SOX5: variants seen among roughly 807,000 people sequenced by gnomAD.
SOX5 encodes transcription factor SOX-5.
Under a neutral mutation model 92.0 loss-of-function variants are expected in SOX5, and 9 were observed. The observed-to-expected ratio is 0.10, with a 90% confidence interval of 0.06 to 0.17. SOX5 has a LOEUF of 0.17. Ranked by LOEUF, SOX5 falls within the 10% of genes least tolerant of loss-of-function variation. SOX5 has a pLI of 1.00. For missense variants in SOX5, 642 were observed against 944.5 expected (o/e 0.68, Z 4.20); for synonymous variants, 344 against 336.3 (o/e 1.02, Z -0.25).
At chr12:23,755,522 ACAGAGAATGCAAGAAG>A in intron 4 of SOX5, 100 bp downstream of exon 4, 1 of 711,522 alleles carries the variant, frequency 1.4e-6, no homozygotes, top group Non-Finnish European at 2.4e-6. Context: ...AACCCTAAAC[ACAGAGAATGCAAGAAG>A]CAGAAGAGGT....
At chr12:24,180,723 A>C (rs564878529) in intron 4 of SOX5, among the ~76,000 whole-genome samples, 40 of 152,332 alleles carry the variant, frequency 2.6e-4, no homozygotes, top group African/African-American at 9.4e-4. Flanking sequence ...TAAATCATAA[A>C]CATCTATTTC....
intron 4 of SOX5, among the ~76,000 whole-genome samples, chr12:24,100,927 A>G (rs1470733392): frequency 6.6e-6 from 1 of 152,082 alleles, no homozygotes; most frequent in African/African-American, 2.4e-5. Context: ...TACCCTCATA[A>G]TAAGCATTAA....
At chr12:24,060,294 A>C (rs1298304744) in intron 4 of SOX5, among the ~76,000 whole-genome samples, 1 of 152,176 alleles carries the variant, frequency 6.6e-6, no homozygotes, top group Admixed American at 6.5e-5. Flanking sequence ...AAAAGATTAC[A>C]TACTTCCCCA....
At position 24,432,471 on chromosome 12, in the gene SOX5, T is replaced by A. The variant is rs114086884; in HGVS notation, c.-250-63832A>T. On this transcript the variant is annotated intron_variant, in intron 1 of 4. Transcript: ENST00000446891. Reference sequence around the variant, plus strand: ...ATCCTGAATAATAGGATACTATCCCTAGTAGCAGTTCTCTGAGGTAGTAGA... The same window carrying A: ...ATCCTGAATAATAGGATACTATCCCAAGTAGCAGTTCTCTGAGGTAGTAGA... Among the ~76,000 whole-genome samples the A allele has an allele frequency of 5.6e-4, 86 of 152,294 alleles. 1 individual carries two copies. Among genetic ancestry groups the A allele is most frequent in the African/African-American group, 1.9e-3 (78 of 41,560 alleles).
At chr12:24,468,798 GT>G (rs772675657) in intron 1 of SOX5, among the ~76,000 whole-genome samples, 3 of 151,962 alleles carry the variant, frequency 2.0e-5, no homozygotes, top group Non-Finnish European at 4.4e-5. Context: ...GTCTAATGAT[GT>G]TTTTTAAAAA....
rs147767401 is a variant in SOX5, at chr12:24,470,907, T to A, written c.-251+91422A>T. 1.1e-3 allele frequency among the ~76,000 whole-genome samples: 172 copies of A among 152,330 alleles called. 1 individual carries two copies. The highest frequency in any genetic ancestry group is 4.1e-3 in the African/African-American group (169 of 41,592). ...CAAGGGTTAATCATCAAGCACAGAA[T>A]ACTGCCTGGAATACCGTAAATATTT... On this transcript the variant is annotated intron_variant, in intron 1 of 4. Transcript: ENST00000446891.
intron 1 of SOX5, among the ~76,000 whole-genome samples, chr12:24,444,200 A>G (rs868355798): frequency 5.3e-5 from 8 of 152,254 alleles, no homozygotes; most frequent in Middle Eastern, 3.4e-3. Context: ...GGGTAGTTAA[A>G]GGTGCATTTA....
At chr12:23,617,511 T>G (rs2076704274) in intron 8 of SOX5, among the ~76,000 whole-genome samples, 1 of 152,212 alleles carries the variant, frequency 6.6e-6, no homozygotes. Flanking sequence ...ATTTTTCTAT[T>G]GCAAATTCAG....
intron 1 of SOX5, among the ~76,000 whole-genome samples, chr12:24,370,985 G>A (rs148966202): frequency 3.3e-5 from 5 of 152,264 alleles, no homozygotes; most frequent in African/African-American, 1.2e-4. Context: ...AATATGCTCA[G>A]GTTAATGCCC....
chr12:23,650,459 C>G (rs2081412098), intron 7 of SOX5, among the ~76,000 whole-genome samples: 1 of 152,108 alleles, frequency 6.6e-6, no homozygotes, highest in Non-Finnish European at 1.5e-5. Flanking sequence ...TCTTACCACT[C>G]TCATTTCCAG....
At chr12:23,577,189 A>ATTTTTT in intron 9 of SOX5, among the ~76,000 whole-genome samples, 1 of 71,278 alleles carries the variant, frequency 1.4e-5, no homozygotes, top group African/African-American at 4.4e-5. Flanking sequence ...ATATATATAT[A>ATTTTTT]TATTTTTTTT....
chr12:23,800,926 T>G (rs1011774108), intron 3 of SOX5, among the ~76,000 whole-genome samples: 4 of 152,192 alleles, frequency 2.6e-5, no homozygotes, highest in Admixed American at 1.3e-4. Flanking sequence ...CTGGAGAACT[T>G]GTTAAAACAC....
rs74071309 is a variant in SOX5, at chr12:23,602,879, C to T, written c.1164+1508G>A. On this transcript the variant is annotated intron_variant, in intron 9 of 14. Transcript: ENST00000451604. The stretch of plus-strand genomic sequence containing the variant: ...ATTACCAGTTTTAAAAACTTACATG[C>T]TGTTGTGATTATAAAGAAAAGCAGA... 9.8e-3 allele frequency among the ~76,000 whole-genome samples: 1,494 copies of T among 152,036 alleles called. 14 individuals are homozygous for T. Among genetic ancestry groups the T allele is most frequent in the African/African-American group, 0.034 (1,413 of 41,504 alleles).
intron 2 of SOX5, among the ~76,000 whole-genome samples, chr12:24,328,246 G>A (rs768177617): frequency 4.6e-5 from 7 of 152,134 alleles, no homozygotes; most frequent in East Asian, 1.9e-4. Context: ...TCCTCTCAAC[G>A]TCTATATTTG....
At chr12:24,182,033 GAAGT>G (rs1248004602) in intron 4 of SOX5, among the ~76,000 whole-genome samples, 1 of 152,076 alleles carries the variant, frequency 6.6e-6, no homozygotes, top group African/African-American at 2.4e-5. Flanking sequence ...AATTAAGTTA[GAAGT>G]AAGTTCACAG....
At chr12:24,486,265 C>CCT (rs1319632675) in intron 1 of SOX5, among the ~76,000 whole-genome samples, 102 of 152,198 alleles carry the variant, frequency 6.7e-4, no homozygotes, top group African/African-American at 2.3e-3. Flanking sequence ...TAATGTGAAA[C>CCT]TCAAGGATCT....
At chr12:23,682,722 CAAAGA>C (rs1173931053) in intron 6 of SOX5, among the ~76,000 whole-genome samples, 5 of 151,176 alleles carry the variant, frequency 3.3e-5, no homozygotes, top group African/African-American at 7.3e-5. Context: ...ATTGAAATAA[CAAAGA>C]AAAGAATTCA....
intron 1 of SOX5, among the ~76,000 whole-genome samples, chr12:24,545,387 T>C (rs1221915677): frequency 2.6e-5 from 4 of 152,190 alleles, no homozygotes; most frequent in Non-Finnish European, 5.9e-5. Context: ...TGTTTCACCA[T>C]TTTGTCACAC....
intron 3 of SOX5, among the ~76,000 whole-genome samples, chr12:24,216,507 A>T (rs1390123558): frequency 6.6e-6 from 1 of 152,086 alleles, no homozygotes; most frequent in South Asian, 2.1e-4. Flanking sequence ...AAAAAATCCC[A>T]TGTAATTAGA....
Sources: gnomAD v4.1 joint callset for allele counts (sites outside exome capture counted in the v4.1 genomes callset) on GRCh38, gnomAD v4.1.1 for gene constraint, MANE v1.5 for transcripts, NCBI Gene and HGNC (gene_info 2026-07-23, HGNC 2026-07-21) for gene names.